THRB: variants seen among roughly 807,000 people sequenced by gnomAD.
THRB encodes the protein thyroid hormone receptor beta, also known as nuclear receptor subfamily 1 group A member 2.
Under a neutral mutation model 47.8 loss-of-function variants are expected in THRB, and 12 were observed. The observed-to-expected ratio is 0.25, with a 90% CI of 0.16 to 0.41. The LOEUF is 0.41. Ranked by LOEUF, THRB falls within the 10% of genes least tolerant of loss-of-function variation. THRB has a pLI of 1.00. For synonymous variants in THRB, 218 were observed against 212.2 expected, an observed-to-expected ratio of 1.03 and a Z score of -0.24; for missense variants, 348 against 589.2, an observed-to-expected ratio of 0.59 and a Z score of 4.24.
chr3:24,253,947 G>A lies in THRB; in HGVS notation c.-42-24946C>T, dbSNP rs116655562. 5.3e-3 allele frequency among the ~76,000 whole-genome samples: 790 copies of A among 150,406 alleles called. 7 individuals carry two copies. The highest frequency in any genetic ancestry group is 0.018 in the African/African-American group (739 of 40,538). On this transcript the variant is annotated intron_variant, in intron 3 of 10. Coordinates refer to ENST00000646209, the MANE Select transcript of THRB (RefSeq NM_001354712.2). ...CCGAGAGAGAACCAGTTGTCCCTCA[G>A]AACCATTTTTTTTTTTTCTTACCAC...
At chr3:24,465,267 C>A (rs1016251457) in intron 1 of THRB, among the ~76,000 whole-genome samples, 4 of 152,028 alleles carry the variant, frequency 2.6e-5, no homozygotes, top group African/African-American at 9.7e-5. Context: ...TGGTATCTAG[C>A]GTCTATTGTT....
At chr3:24,475,772 A>G (rs1695361216) in intron 1 of THRB, among the ~76,000 whole-genome samples, 1 of 152,244 alleles carries the variant, frequency 6.6e-6, no homozygotes, top group African/African-American at 2.4e-5. Context: ...TATGAACACC[A>G]TCAACTGTTT....
chr3:24,231,522 T>TA (rs2048262322), intron 3 of THRB, among the ~76,000 whole-genome samples: 1 of 152,192 alleles, frequency 6.6e-6, no homozygotes. Flanking sequence ...GTGTTACTGT[T>TA]ACTATATAAC....
At chr3:24,134,957 GC>G (rs2034426317) in intron 8 of THRB, among the ~76,000 whole-genome samples, 1 of 152,160 alleles carries the variant, frequency 6.6e-6, no homozygotes, top group Non-Finnish European at 1.5e-5. Context: ...GGTGAGACTA[GC>G]CTAACATAGT....
intron 3 of THRB, among the ~76,000 whole-genome samples, chr3:24,259,004 T>C (rs558388144): frequency 2.0e-5 from 3 of 152,258 alleles, no homozygotes; most frequent in South Asian, 4.2e-4. Flanking sequence ...TTGCCCAAGG[T>C]CACAGAGCCA....
intron 2 of THRB, among the ~76,000 whole-genome samples, chr3:24,332,177 G>A (rs1223694079): frequency 6.6e-6 from 1 of 152,102 alleles, no homozygotes; most frequent in Non-Finnish European, 1.5e-5. Flanking sequence ...GCTAGTAATG[G>A]GTGCCTTTTT....
chr3:24,143,839 A>T lies in THRB; in HGVS notation c.533-133T>A. ...TACTGGGTCCTTCGGGGTGGGTCAC[A>T]CTGGGACAGTTTCTCTCCTCACCAG... On this transcript the variant is annotated intron_variant, in intron 7 of 10. Transcript: ENST00000646209. 6 of 851,248 alleles carry T rather than the reference A, an allele frequency of 7.0e-6. No homozygotes were observed. In the South Asian group the frequency reaches 8.8e-5, roughly 12 times the overall value. The allele number at this position is 851,248 out of a possible 1,614,324, so 52.7% of individuals were successfully genotyped here. A position where few individuals can be genotyped will look rare whatever the true frequency, so the allele number is the denominator to read the frequency against.
chr3:24,294,092 T>C (rs925016230), intron 3 of THRB, among the ~76,000 whole-genome samples: 1 of 152,196 alleles, frequency 6.6e-6, no homozygotes, highest in Non-Finnish European at 1.5e-5. Flanking sequence ...ACTGTGTGGC[T>C]TGAGACTATG....
Position 24,187,415 on chromosome 3 carries a change from A to C in THRB, c.283+2659T>G, listed in dbSNP as rs535608632. On this transcript the variant is annotated intron_variant, in intron 5 of 10. Coordinates refer to ENST00000646209, the MANE Select transcript of THRB (RefSeq NM_001354712.2). ...GCAGATGGGCTCACTGCACAGCTTCAAGGAAGTCAATTTGTTCTTTGGATC... is the reference window on the plus strand; with the variant it reads ...GCAGATGGGCTCACTGCACAGCTTCCAGGAAGTCAATTTGTTCTTTGGATC... Among the ~76,000 whole-genome samples the C allele has an allele frequency of 5.3e-5, 8 of 152,318 alleles. No individual in the cohort carries two copies. The East Asian group carries it at 1.4e-3, about 26-fold the overall frequency.
chr3:24,453,646 T>C (rs1192741432), intron 1 of THRB, among the ~76,000 whole-genome samples: 2 of 152,180 alleles, frequency 1.3e-5, no homozygotes, highest in East Asian at 3.8e-4. Context: ...GATCACGCCA[T>C]TTCCGCTGCT....
intron 1 of THRB, among the ~76,000 whole-genome samples, chr3:24,475,592 A>T (rs2125813220): frequency 6.6e-6 from 1 of 152,354 alleles, no homozygotes; most frequent in Non-Finnish European, 1.5e-5. Flanking sequence ...TAGCAAGAAG[A>T]TGACACTACT....
intron 1 of THRB, among the ~76,000 whole-genome samples, chr3:24,399,934 C>T (rs2067265925): frequency 6.6e-6 from 1 of 152,042 alleles, no homozygotes; most frequent in South Asian, 2.1e-4. Flanking sequence ...GTTACCTCAC[C>T]AGAACTTTTT....
At chr3:24,305,252 C>T (rs192370727) in intron 2 of THRB, among the ~76,000 whole-genome samples, 33 of 152,286 alleles carry the variant, frequency 2.2e-4, no homozygotes, top group African/African-American at 7.5e-4. Flanking sequence ...TCCCCTGAGA[C>T]CTACTGAATC....
At chr3:24,415,624 T>C (rs886339866) in intron 1 of THRB, among the ~76,000 whole-genome samples, 5 of 151,804 alleles carry the variant, frequency 3.3e-5, no homozygotes, top group Admixed American at 3.3e-4. Context: ...GCACATGTAG[T>C]TGAGAAAAAA....
chr3:24,421,655 A>C (rs2069274693), intron 1 of THRB, among the ~76,000 whole-genome samples: 1 of 151,932 alleles, frequency 6.6e-6, no homozygotes, highest in African/African-American at 2.4e-5. Flanking sequence ...AAAAGCATGC[A>C]AAATGGACAG....
intron 2 of THRB, among the ~76,000 whole-genome samples, chr3:24,322,628 C>A (rs1576829099): frequency 6.6e-6 from 1 of 152,216 alleles, no homozygotes; most frequent in East Asian, 1.9e-4. Flanking sequence ...CCTTTCTGAA[C>A]TGAAAGCTGA....
intron 1 of THRB, among the ~76,000 whole-genome samples, chr3:24,488,532 A>G (rs1398928992): frequency 2.0e-5 from 3 of 151,964 alleles, no homozygotes; most frequent in African/African-American, 7.3e-5. Flanking sequence ...CTTCACTGTG[A>G]TGAGTTGGAC....
chr3:24,339,305 G>A (rs2062469174), intron 1 of THRB, among the ~76,000 whole-genome samples: 1 of 151,982 alleles, frequency 6.6e-6, no homozygotes, highest in Non-Finnish European at 1.5e-5. Context: ...TTATGGACTG[G>A]GTTGTTCTAA....
At chr3:24,247,133 G>A (rs2050183495) in intron 3 of THRB, among the ~76,000 whole-genome samples, 1 of 152,158 alleles carries the variant, frequency 6.6e-6, no homozygotes, top group African/African-American at 2.4e-5. Flanking sequence ...CAAATGTAAA[G>A]AGTTTCTATT....
Sources: allele counts gnomAD v4.1 joint callset (sites outside exome capture counted in the v4.1 genomes callset), GRCh38; gene constraint gnomAD v4.1.1; transcripts MANE v1.5; gene names NCBI Gene and HGNC (gene_info 2026-07-23, HGNC 2026-07-21).